Variants in NNT observed in about 807,000 individuals in gnomAD.
NNT encodes the protein nicotinamide nucleotide transhydrogenase, also known as NAD(P) transhydrogenase, mitochondrial.
In NNT, 50 loss-of-function variants were observed where a neutral mutation model predicts 104.8. The observed-to-expected ratio is 0.48, with a 90% CI of 0.38 to 0.60. The LOEUF is 0.60. Among genes scored for constraint, NNT ranks in the 20% least tolerant of loss-of-function variants. NNT has a pLI of 0.00. For missense variants in NNT, 1,131 were observed against 1,330.7 expected, an observed-to-expected ratio of 0.85 and a Z score of 2.33; for synonymous variants, 461 against 490.4, an observed-to-expected ratio of 0.94 and a Z score of 0.79.
At chr5:43,686,006 T>C (rs1412716615) in intron 19 of NNT, among the ~76,000 whole-genome samples, 2 of 152,178 alleles carry the variant, frequency 1.3e-5, no homozygotes, top group Non-Finnish European at 2.9e-5. Context: ...ATACTCAGTA[T>C]TCGTGAATAG....
At chr5:43,604,860 T>C (rs988189612) in intron 1 of NNT, among the ~76,000 whole-genome samples, 17 of 151,932 alleles carry the variant, frequency 1.1e-4, no homozygotes, top group African/African-American at 3.1e-4. Context: ...TTTTTAGCAA[T>C]GGGGGTCTCA....
At position 43,667,153 on chromosome 5, in the gene NNT, T is replaced by A. The variant is rs1740749911; in HGVS notation, c.2634+7803T>A. On this transcript the variant is annotated intron_variant, in intron 17 of 21. Coordinates refer to ENST00000344920, the MANE Select transcript of NNT (RefSeq NM_182977.3). ...CACCCCCTTAAGAGATTCGTATCTT[T>A]GTGATCGGGGTTTCTTGATACCATT... is the stretch of plus-strand genomic sequence containing the variant. The A allele has an allele frequency of 8.7e-6, 13 of 1,490,320 alleles. No individual in the cohort carries two copies. The South Asian group carries it at 1.4e-4, about 16-fold the overall frequency. The allele number at this position is 1,490,320 out of a possible 1,614,324, so 92.3% of individuals were successfully genotyped here.
chr5:43,644,485 G>T, intron 8 of NNT, 126 bp from the exon 9 acceptor site: 1 of 1,102,866 alleles, frequency 9.1e-7, no homozygotes, highest in Non-Finnish European at 1.3e-6. Flanking sequence ...TTGTTTATGG[G>T]TATGTATGTA....
chr5:43,634,194 G>A (rs1322182348), intron 7 of NNT, among the ~76,000 whole-genome samples: 1 of 152,082 alleles, frequency 6.6e-6, no homozygotes, highest in African/African-American at 2.4e-5. Flanking sequence ...TGGGTGGGAG[G>A]TGTTTTCCTC....
intron 17 of NNT, among the ~76,000 whole-genome samples, chr5:43,671,709 C>A (rs1193033342): frequency 6.6e-6 from 1 of 152,074 alleles, no homozygotes; most frequent in Non-Finnish European, 1.5e-5. Context: ...TTCTGGCTGC[C>A]CTTAACATTT....
At chr5:43,660,433 CT>C (rs35407725) in intron 17 of NNT, among the ~76,000 whole-genome samples, 15,211 of 151,432 alleles carry the variant, frequency 0.1, 908 homozygotes, top group African/African-American at 0.16. Flanking sequence ...TTGAGTAGAA[CT>C]TTTTTTTTCA....
chr5:43,652,530 T>A (rs1270410387), intron 13 of NNT, among the ~76,000 whole-genome samples: 1 of 148,936 alleles, frequency 6.7e-6, no homozygotes, highest in Non-Finnish European at 1.5e-5. Context: ...ATGAACAATT[T>A]TTTTTTTTTT....
intron 11 of NNT, among the ~76,000 whole-genome samples, chr5:43,649,526 G>C (rs975763697): frequency 5.3e-5 from 8 of 151,774 alleles, no homozygotes; most frequent in African/African-American, 1.9e-4. Context: ...TCTTTGGGCT[G>C]CTCCCATTTC....
At chr5:43,629,155 C>G (rs1052066069) in intron 7 of NNT, among the ~76,000 whole-genome samples, 10 of 152,016 alleles carry the variant, frequency 6.6e-5, no homozygotes, top group Non-Finnish European at 1.3e-4. Flanking sequence ...CCCTCACCCC[C>G]CCTCCCACTC....
chr5:43,629,965 T>A (rs2111709613), intron 7 of NNT, among the ~76,000 whole-genome samples: 1 of 152,336 alleles, frequency 6.6e-6, no homozygotes, highest in Non-Finnish European at 1.5e-5. Flanking sequence ...GTGCAAAAGC[T>A]TTTTAGTTTA....
intron 17 of NNT, among the ~76,000 whole-genome samples, chr5:43,670,377 G>T (rs1234876645): frequency 6.6e-6 from 1 of 152,136 alleles, no homozygotes; most frequent in Non-Finnish European, 1.5e-5. Flanking sequence ...TGATGTTAGG[G>T]TGTCAATTTT....
At chr5:43,648,103 G>A (rs1739549669) in intron 10 of NNT, 1 of 1,211,364 alleles carries the variant, frequency 8.3e-7, no homozygotes, top group South Asian at 1.5e-5. Flanking sequence ...TTAACTGGAA[G>A]ACAAAATAGT....
chr5:43,653,330 T>C, intron 14 of NNT, 117 bp downstream of exon 14: 2 of 971,756 alleles, frequency 2.1e-6, no homozygotes, highest in Non-Finnish European at 2.9e-6. Flanking sequence ...CAGTTAATAT[T>C]ATTTTGGTGA....
chr5:43,609,982 C>T (rs1406782341), intron 2 of NNT, among the ~76,000 whole-genome samples: 4 of 152,168 alleles, frequency 2.6e-5, no homozygotes, highest in Non-Finnish European at 4.4e-5. Context: ...CTGTTCTGCA[C>T]AGGACAGTGA....
chr5:43,625,384 ATTAAG>A (rs767426537), intron 6 of NNT, among the ~76,000 whole-genome samples: 3 of 152,148 alleles, frequency 2.0e-5, no homozygotes, highest in Non-Finnish European at 4.4e-5. Flanking sequence ...TTTATAATTT[ATTAAG>A]TTTGTTATAC....
intron 19 of NNT, among the ~76,000 whole-genome samples, chr5:43,680,554 CAATT>C (rs768395347): frequency 2.9e-4 from 44 of 152,260 alleles, no homozygotes; most frequent in Non-Finnish European, 5.6e-4. Flanking sequence ...TGATTGTCAT[CAATT>C]AGTTATACCC....
In NNT at chr5:43,656,698, T is replaced by C; in HGVS notation, c.2339T>C (p.Leu780Pro). 2 of 1,614,130 alleles carry C rather than the reference T, an allele frequency of 1.2e-6. No homozygotes were observed. The highest frequency in any genetic ancestry group is 1.7e-6 in the Non-Finnish European group (2 of 1,179,990). ...APLLLPGRHLLNAGLLAASVG... is the reference protein window; with the variant it reads ...APLLLPGRHLPNAGLLAASVG... ...CTCCTACTGCCTGGAAGGCACTTAC[T>C]CAATGCAGGCTTACTGGCTGCTAGT... The change falls in exon 16 of 22, where the codon CTC becomes CCC. Residue 780 changes from leucine (L) to proline (P), a missense_variant. By Grantham distance (98) the Leu-to-Pro change is moderately conservative. Coordinates refer to ENST00000344920, the MANE Select transcript of NNT (RefSeq NM_182977.3).
At chr5:43,630,972 C>T (rs1750643343) in intron 7 of NNT, among the ~76,000 whole-genome samples, 1 of 152,074 alleles carries the variant, frequency 6.6e-6, no homozygotes, top group African/African-American at 2.4e-5. Flanking sequence ...GTAGCTTCCC[C>T]CACAACAAAA....
In NNT at chr5:43,624,101, G is replaced by T; in HGVS notation, c.757G>T (p.Val253Phe). Residue 253 changes from valine to phenylalanine, a missense_variant, in exon 6 of 22, where the codon GTT (valine) becomes TTT (phenylalanine). Coordinates refer to ENST00000344920, the MANE Select transcript of NNT (RefSeq NM_182977.3). ...CGCAGCAAAGTCGATGGGTGCAATT[G>T]TTCGAGGATTTGACACAAGGTGAGT... ...AGAAKSMGAI[V>F]RGFDTRAAAL... 1 of 1,614,164 alleles carries T rather than the reference G, an allele frequency of 6.2e-7. No homozygotes were observed. Among genetic ancestry groups the T allele is most frequent in the Non-Finnish European group, 8.5e-7 (1 of 1,180,002 alleles).
Sources: allele counts gnomAD v4.1 joint callset (sites outside exome capture counted in the v4.1 genomes callset), GRCh38; gene constraint gnomAD v4.1.1; transcripts MANE v1.5; gene names NCBI Gene and HGNC (gene_info 2026-07-23, HGNC 2026-07-21).